Variants in AP3S2 observed in about 807,000 individuals in gnomAD.
The protein encoded by AP3S2 is adaptor related protein complex 3 subunit sigma 2.
In AP3S2, 22 loss-of-function variants were observed where a neutral mutation model predicts 23.4. The ratio of observed to expected loss-of-function variants is 0.94; its 90% CI spans 0.67 to 1.34. The LOEUF (loss-of-function observed/expected upper bound fraction) is 1.34, where lower values mean the gene tolerates loss of function less well. Ranked by LOEUF, AP3S2 falls within the 40% of genes most tolerant of loss-of-function variation. The probability of loss-of-function intolerance (pLI) is 0.00; values close to 1 mark genes in which losing one functional copy is unlikely to be tolerated. For synonymous variants in AP3S2, 86 were observed against 87.1 expected (o/e 0.99, Z 0.07); for missense variants, 241 against 236.9 (o/e 1.02, Z -0.11).
intron 4 of AP3S2, among the ~76,000 whole-genome samples, chr15:89,845,088 GT>G (rs2141843208): frequency 6.6e-6 from 1 of 152,066 alleles, no homozygotes; most frequent in Admixed American, 6.5e-5. Flanking sequence ...TGTATTTTTA[GT>G]AGAGACGAGG....
chr15:89,844,896 AC>A (rs1185284626), intron 4 of AP3S2, among the ~76,000 whole-genome samples: 1 of 150,896 alleles, frequency 6.6e-6, no homozygotes, highest in African/African-American at 2.4e-5. Flanking sequence ...CTTACTTTTC[AC>A]AGAGTAATTT....
chr15:89,839,029 T>TG (rs1895262273), intron 4 of AP3S2, among the ~76,000 whole-genome samples: 1 of 152,144 alleles, frequency 6.6e-6, no homozygotes, highest in African/African-American at 2.4e-5. Context: ...GTCCTGTCAC[T>TG]GTGGCCTGTT....
At chr15:89,851,143 G>C (rs1217684038) in intron 4 of AP3S2, among the ~76,000 whole-genome samples, 2 of 152,164 alleles carry the variant, frequency 1.3e-5, no homozygotes, top group African/African-American at 4.8e-5. Context: ...AAGTAAGAAA[G>C]ATTAAACATG....
chr15:89,867,683 G>A (rs1369248446), intron 4 of AP3S2, among the ~76,000 whole-genome samples: 80 of 138,392 alleles, frequency 5.8e-4, no homozygotes, highest in Non-Finnish European at 4.3e-4. Flanking sequence ...GGGTTGTGAG[G>A]AGCGCCTCTG....
intron 4 of AP3S2, among the ~76,000 whole-genome samples, chr15:89,869,431 TGCGGAAGGCC>T (rs1361265211): frequency 6.8e-6 from 1 of 148,056 alleles, no homozygotes; most frequent in Non-Finnish European, 1.5e-5. Flanking sequence ...ACACAAACAC[TGCGGAAGGCC>T]GCAGGGTCCT....
intron 4 of AP3S2, among the ~76,000 whole-genome samples, chr15:89,863,502 T>C (rs1016235169): frequency 4.0e-5 from 6 of 151,458 alleles, no homozygotes; most frequent in Non-Finnish European, 1.5e-5. Context: ...GCTCTAGAAA[T>C]GGAATGAAAT....
At chr15:89,892,586 AGGG>A (rs1373401790) in intron 1 of AP3S2, among the ~76,000 whole-genome samples, 1 of 152,194 alleles carries the variant, frequency 6.6e-6, no homozygotes. Flanking sequence ...GAAAAAAACT[AGGG>A]GGGAAATTTG....
chr15:89,883,127 A>C (rs1448500425), intron 3 of AP3S2, among the ~76,000 whole-genome samples: 1 of 152,174 alleles, frequency 6.6e-6, no homozygotes, highest in East Asian at 1.9e-4. Context: ...CTTTATTATT[A>C]CTGTAAATGA....
rs948207235 is a variant in AP3S2, at chr15:89,832,258, A to G, written c.*3257T>C. The G allele has an allele frequency of 6.6e-6, 1 of 152,146 alleles. No individual in the cohort carries two copies. The highest frequency in any genetic ancestry group is 2.4e-5 in the African/African-American group (1 of 41,434). 9.4% of individuals were successfully genotyped at this position (152,146 alleles called of 1,614,324 possible). A position where few individuals can be genotyped will look rare whatever the true frequency, so the allele number is the denominator to read the frequency against. The stretch of plus-strand genomic sequence containing the variant: ...TAAGGAGTTAGAGACCAGCCTGTGC[A>G]ACATAGTGAGACCTTATTCTACTAA... On this transcript the variant is annotated 3_prime_UTR_variant, in exon 6 of 6. Transcript: ENST00000336418.
At chr15:89,847,618 A>T (rs1895529360) in intron 4 of AP3S2, among the ~76,000 whole-genome samples, 1 of 152,120 alleles carries the variant, frequency 6.6e-6, no homozygotes. Flanking sequence ...AATCAAAGAA[A>T]GTTCTGAATC....
intron 4 of AP3S2, chr15:89,865,510 G>GTA (rs1272811689): frequency 2.0e-5 from 3 of 152,252 alleles, no homozygotes; most frequent in African/African-American, 7.2e-5. Flanking sequence ...ATTGGTAGAA[G>GTA]TATAAATGGA....
At position 89,844,049 on chromosome 15, in the gene AP3S2, T is replaced by C. The variant is rs907777453; in HGVS notation, c.346-6327A>G. Reference sequence around the variant, plus strand: ...CTCACCCTCAGTAACTGAGAGTCCATGGATAGCATTTAAAACTAAAGTAAT... The same window carrying C: ...CTCACCCTCAGTAACTGAGAGTCCACGGATAGCATTTAAAACTAAAGTAAT... On this transcript the variant is annotated intron_variant, in intron 4 of 5. Transcript: ENST00000336418. Among the ~76,000 whole-genome samples the C allele has an allele frequency of 2.0e-5, 3 of 152,162 alleles. No individual in the cohort carries two copies. In the South Asian group the frequency reaches 6.2e-4, roughly 32 times the overall value.
At chr15:89,889,383 T>G (rs1896768187) in intron 1 of AP3S2, 3 of 490,046 alleles carry the variant, frequency 6.1e-6, no homozygotes, top group African/African-American at 1.9e-5. Context: ...CACTAACCAT[T>G]ACTGTCCTAT....
intron 5 of AP3S2, among the ~76,000 whole-genome samples, chr15:89,836,737 C>T (rs1209349692): frequency 6.6e-6 from 1 of 152,176 alleles, no homozygotes; most frequent in Non-Finnish European, 1.5e-5. Flanking sequence ...TCATTTCCAA[C>T]CCCCTTGCCT....
In AP3S2 at chr15:89,871,455, A is replaced by G. The variant is rs982520001; in HGVS notation, c.345+20T>C. On this transcript the variant is annotated intron_variant, in intron 4 of 5. Transcript: ENST00000336418. ...TTTTCTAGTAACCCTAGTTTGGAAG[A>G]GAACTGCAAGAGAATATACCTTATC... is the stretch of plus-strand genomic sequence containing the variant. 1.0e-4 allele frequency: 163 copies of G among 1,605,312 alleles called. No homozygotes were observed. Among genetic ancestry groups the G allele is most frequent in the Non-Finnish European group, 1.4e-4 (162 of 1,176,886 alleles).
intron 1 of AP3S2, among the ~76,000 whole-genome samples, chr15:89,889,862 TC>T (rs1235055642): frequency 2.5e-5 from 1 of 40,102 alleles, no homozygotes; most frequent in African/African-American, 1.1e-4. Context: ...AGACTCCATC[TC>T]AAAAAAAAAA....
intron 3 of AP3S2, among the ~76,000 whole-genome samples, chr15:89,872,120 AAAAAAAAAAG>A (rs1896333595): frequency 6.6e-6 from 1 of 151,306 alleles, no homozygotes; most frequent in Non-Finnish European, 1.5e-5. Flanking sequence ...GTCTCTCAAA[AAAAAAAAAAG>A]AAAAAAGAAA....
At chr15:89,875,459 C>T (rs563094395) in intron 3 of AP3S2, among the ~76,000 whole-genome samples, 5 of 152,212 alleles carry the variant, frequency 3.3e-5, no homozygotes, top group South Asian at 2.1e-4. Flanking sequence ...AAACGAAGGA[C>T]GAAAACACAA....
rs758691462 is a variant in AP3S2 at position 89,837,687 on chromosome 15, C to G, written c.381G>C (p.Gly127=). The change falls in exon 5 of 6, where the codon GGG becomes GGC. Residue 127 remains glycine, a synonymous_variant. Coordinates refer to ENST00000336418, the MANE Select transcript of AP3S2 (RefSeq NM_005829.5). ...HYILQEVVMG[G]MVLETNMNEI... Reference sequence around the variant, plus strand: ...CATTCATGTTTGTTTCCAACACCATCCCACCCATCACCACCTCCTGGAGGA... The same window carrying G: ...CATTCATGTTTGTTTCCAACACCATGCCACCCATCACCACCTCCTGGAGGA... 1.9e-6 allele frequency: 3 copies of G among 1,614,190 alleles called. No individual in the cohort carries two copies. The highest frequency in any genetic ancestry group is 2.5e-6 in the Non-Finnish European group (3 of 1,180,032).
Sources: gnomAD v4.1 joint callset for allele counts (sites outside exome capture counted in the v4.1 genomes callset) on GRCh38, gnomAD v4.1.1 for gene constraint, MANE v1.5 for transcripts, NCBI Gene and HGNC (gene_info 2026-07-23, HGNC 2026-07-21) for gene names.